The following HMGCLL1 variants were observed in gnomAD, a reference collection of about 807,000 sequenced individuals.
The protein encoded by HMGCLL1 is 3-hydroxy-3-methylglutaryl-CoA lyase like 1, also known as 3-hydroxymethyl-3-methylglutaryl-CoA lyase, cytoplasmic.
A neutral mutation model predicts 39.1 loss-of-function variants in HMGCLL1; 36 were observed. That is an observed-to-expected ratio of 0.92 (90% CI 0.71 to 1.22). The LOEUF is 1.22. HMGCLL1 is among the 50% of genes most tolerant of loss of function. The probability of loss-of-function intolerance (pLI) is 0.00; values close to 1 mark genes in which losing one functional copy is unlikely to be tolerated. For missense variants in HMGCLL1, 451 were observed against 416.5 expected, an observed-to-expected ratio of 1.08 and a Z score of -0.72; for synonymous variants, 149 against 144.0, an observed-to-expected ratio of 1.03 and a Z score of -0.25.
chr6:55,676,128 G>C, the HMGCLL1 span, among the ~76,000 whole-genome samples: 83 of 152,136 alleles, frequency 5.5e-4, 2 homozygotes, highest in South Asian at 0.016. Context: ...ATCACTCAAG[G>C]CCACAGCTGG....
chr6:55,488,702 A>G (rs1766168850), intron 7 of HMGCLL1, among the ~76,000 whole-genome samples: 1 of 152,040 alleles, frequency 6.6e-6, no homozygotes, highest in Non-Finnish European at 1.5e-5. Flanking sequence ...AATTCTCCAC[A>G]TCCTCCATTC....
At chr6:55,513,252 T>C (rs977337777) in intron 5 of HMGCLL1, 19 of 152,120 alleles carry the variant, frequency 1.2e-4, no homozygotes, top group African/African-American at 4.6e-4. Flanking sequence ...TCTAAACTCC[T>C]GAGAGAGAAA....
chr6:55,601,406 C>T, the HMGCLL1 span, among the ~76,000 whole-genome samples: 334 of 152,232 alleles, frequency 2.2e-3, no homozygotes, highest in Admixed American at 5.4e-3. Flanking sequence ...TTGACTGGTT[C>T]GCATAGCAGC....
At chr6:55,596,358 A>C in the HMGCLL1 span, among the ~76,000 whole-genome samples, 1 of 152,138 alleles carries the variant, frequency 6.6e-6, no homozygotes, top group Non-Finnish European at 1.5e-5. Context: ...GTAAATAGGA[A>C]TTGAAAATCT....
the HMGCLL1 span, among the ~76,000 whole-genome samples, chr6:55,602,831 G>A: frequency 6.6e-6 from 1 of 152,064 alleles, no homozygotes; most frequent in Non-Finnish European, 1.5e-5. Flanking sequence ...TATAAAAGTT[G>A]AGATCTGTGT....
rs780569677 is a variant in HMGCLL1 at position 55,578,970 on chromosome 6, G to A, written c.86C>T (p.Ala29Val). The A allele has an allele frequency of 3.7e-6, 6 of 1,613,250 alleles. No homozygotes were observed. In the South Asian group the frequency reaches 5.5e-5, roughly 15 times the overall value. ...REHLWIGDSV[A>V]GALDPAQETS... is the part of the protein sequence containing the mutation. The stretch of plus-strand genomic sequence containing the variant: ...TACCTGCGCGGGGTCGAGCGCCCCT[G>A]CCACTGAATCCCCGATCCAGAGATG... The change falls in exon 1 of 9, where the codon GCA (alanine) becomes GTA (valine). Residue 29 changes from alanine (A) to valine (V), a missense_variant. Ala to Val is a moderately conservative substitution (Grantham distance 64). Transcript: ENST00000274901.
intron 7 of HMGCLL1, among the ~76,000 whole-genome samples, chr6:55,449,095 T>A (rs1763974470): frequency 6.6e-6 from 1 of 152,228 alleles, no homozygotes; most frequent in African/African-American, 2.4e-5. Flanking sequence ...AACTCCAAGA[T>A]GGTTTTTATG....
intron 5 of HMGCLL1, among the ~76,000 whole-genome samples, chr6:55,511,321 T>A (rs1767444852): frequency 6.6e-6 from 1 of 152,092 alleles, no homozygotes; most frequent in African/African-American, 2.4e-5. Context: ...TTTGGCATGG[T>A]ATCTCTTCAC....
upstream of HMGCLL1, among the ~76,000 whole-genome samples, chr6:55,580,454 C>T (rs1194509402): frequency 8.3e-6 from 1 of 119,972 alleles, no homozygotes; most frequent in African/African-American, 3.1e-5. Flanking sequence ...CTCGCTCTGT[C>T]GCCCAGGCTG....
chr6:55,585,537 T>C, the HMGCLL1 span, among the ~76,000 whole-genome samples: 5 of 152,248 alleles, frequency 3.3e-5, no homozygotes, highest in South Asian at 6.2e-4. Context: ...TTATCTCTTA[T>C]CCAGAGATTA....
chr6:55,632,794 T>G, the HMGCLL1 span, among the ~76,000 whole-genome samples: 1 of 152,028 alleles, frequency 6.6e-6, no homozygotes, highest in Non-Finnish European at 1.5e-5. Flanking sequence ...TACATTTTGG[T>G]TTAGTAAAAG....
At chr6:55,611,845 A>G in the HMGCLL1 span, among the ~76,000 whole-genome samples, 3 of 152,180 alleles carry the variant, frequency 2.0e-5, no homozygotes, top group African/African-American at 7.2e-5. Flanking sequence ...CACAACCAAT[A>G]TCATACTGAA....
chr6:55,480,932 A>C (rs1208381240), intron 7 of HMGCLL1, among the ~76,000 whole-genome samples: 1 of 152,176 alleles, frequency 6.6e-6, no homozygotes. Flanking sequence ...CTAAAAATTA[A>C]AACAATTGAG....
At chr6:55,525,185 C>A (rs1183748315) in intron 3 of HMGCLL1, among the ~76,000 whole-genome samples, 1 of 135,362 alleles carries the variant, frequency 7.4e-6, no homozygotes, top group African/African-American at 2.8e-5. Context: ...GCGACACCCA[C>A]CGGGATATGG....
At chr6:55,553,075 G>A (rs1016953227) in intron 1 of HMGCLL1, among the ~76,000 whole-genome samples, 2 of 150,270 alleles carry the variant, frequency 1.3e-5, no homozygotes, top group African/African-American at 2.5e-5. Flanking sequence ...TCCGGGAGGA[G>A]AAGATTGCAG....
intron 7 of HMGCLL1, among the ~76,000 whole-genome samples, chr6:55,476,210 ATCTC>A (rs1765278039): frequency 6.6e-6 from 1 of 151,576 alleles, no homozygotes; most frequent in South Asian, 2.1e-4. Flanking sequence ...CCTGAAACTT[ATCTC>A]TCTGTTTACT....
chr6:55,543,714 T>C (rs1246113857), intron 1 of HMGCLL1, among the ~76,000 whole-genome samples: 7 of 150,256 alleles, frequency 4.7e-5, no homozygotes, highest in Non-Finnish European at 1.0e-4. Flanking sequence ...AAATCAAAAA[T>C]TAGTCAGGCG....
At chr6:55,516,441 A>T in intron 4 of HMGCLL1, 67 bp downstream of exon 4, 1 of 1,026,084 alleles carries the variant, frequency 9.7e-7, no homozygotes, top group Non-Finnish European at 1.5e-6. Flanking sequence ...ACACAATTTT[A>T]ACTTTGTAAA....
At chr6:55,535,180 A>G (rs911431894) in intron 3 of HMGCLL1, among the ~76,000 whole-genome samples, 2 of 152,224 alleles carry the variant, frequency 1.3e-5, no homozygotes, top group African/African-American at 4.8e-5. Flanking sequence ...TATTGGACAA[A>G]CAGCAATTAT....
Sources: gnomAD v4.1 joint callset for allele counts (sites outside exome capture counted in the v4.1 genomes callset) on GRCh38, gnomAD v4.1.1 for gene constraint, MANE v1.5 for transcripts, NCBI Gene and HGNC (gene_info 2026-07-23, HGNC 2026-07-21) for gene names.